The following H3C6 variants were observed in gnomAD, a reference collection of about 807,000 sequenced individuals.
H3C6 encodes the protein H3 clustered histone 6.
H3C6 carries 17 observed loss-of-function variants against 8.0 expected under a neutral mutation model. The observed-to-expected ratio is 2.13, with a 90% CI of 1.46 to 3.19. The LOEUF (loss-of-function observed/expected upper bound fraction) is 3.19, where lower values mean the gene tolerates loss of function less well. Among genes scored for constraint, H3C6 ranks in the 30% most tolerant of loss-of-function variants. The pLI is 0.00. For synonymous variants in H3C6, 169 were observed against 78.0 expected, an observed-to-expected ratio of 2.17 and a Z score of -6.15; for missense variants, 298 against 193.8, an observed-to-expected ratio of 1.54 and a Z score of -3.19.
chr6:26,224,459 A>G (rs186138019), upstream of H3C6, among the ~76,000 whole-genome samples: 2 of 152,224 alleles, frequency 1.3e-5, no homozygotes, highest in Non-Finnish European at 2.9e-5. Context: ...CTTTTTCAAG[A>G]TTTTAAATTG....
chr6:26,225,320 C>T lies in H3C6; in HGVS notation c.166C>T (p.Gln56Ter), dbSNP rs754789174. 5.6e-6 allele frequency: 9 copies of T among 1,614,248 alleles called. No individual in the cohort carries two copies. The highest frequency in any genetic ancestry group is 7.6e-6 in the Non-Finnish European group (9 of 1,180,034). The part of the protein sequence containing the change: ...TVALREIRRY[Q>*]KSTELLIRKL... ...GGCTCTGCGCGAGATCCGTCGCTAC[C>T]AGAAGTCTACCGAGCTTCTAATCCG... Residue 56 changes from glutamine to a stop codon, truncating the protein, a stop_gained, in exon 1 of 1, where the codon CAG (glutamine) becomes TAG (stop). Coordinates refer to ENST00000614911, the MANE Select transcript of H3C6 (RefSeq NM_003532.3). LOFTEE classifies it high-confidence loss of function.
rs1340792431 is a variant in H3C6 at position 26,225,381 on chromosome 6, C to G, written c.227C>G (p.Ala76Gly). The change falls in exon 1 of 1, where the codon GCT (alanine) becomes GGT (glycine). Residue 76 changes from alanine to glycine, a missense_variant. Ala to Gly is a moderately conservative substitution (Grantham distance 60). Coordinates refer to ENST00000614911, the MANE Select transcript of H3C6 (RefSeq NM_003532.3). ...LPFQRLVREIAQDFKTDLRFQ... is the reference protein window; with the variant it reads ...LPFQRLVREIGQDFKTDLRFQ... The stretch of plus-strand genomic sequence containing the variant: ...TTTCAGCGCCTGGTGCGAGAAATAG[C>G]TCAGGACTTCAAGACCGACCTGCGC... 23 of 1,614,132 alleles carry G rather than the reference C, an allele frequency of 1.4e-5. No individual in the cohort carries two copies. The highest frequency in any genetic ancestry group is 5.0e-5 in the Admixed American group (3 of 60,014).
rs371514191 is a variant in H3C6 at position 26,225,511 on chromosome 6, C to G, written c.357C>G (p.Thr119=). 4 of 1,614,094 alleles carry G rather than the reference C, an allele frequency of 2.5e-6. No individual in the cohort carries two copies. Among genetic ancestry groups the G allele is most frequent in the Non-Finnish European group, 3.4e-6 (4 of 1,180,030 alleles). ...NLCAIHAKRV[T]IMPKDIQLAR... is the part of the protein sequence containing the mutation. ...GCGCTATTCATGCCAAACGCGTGAC[C>G]ATCATGCCTAAAGACATCCAGCTTG... The change falls in exon 1 of 1, where the codon ACC becomes ACG. Residue 119 remains threonine, a synonymous_variant. Transcript: ENST00000614911.
At chr6:26,226,357 TTTTCTTATTTATTTA>T (rs1440898757), downstream of H3C6, 1 of 142,518 alleles carries the variant, frequency 7.0e-6, no homozygotes, top group Non-Finnish European at 1.5e-5. Context: ...TGCTTTTTTC[TTTTCTTATTTATTTA>T]TTTATTTATT....
downstream of H3C6, chr6:26,225,702 C>G: frequency 9.2e-7 from 1 of 1,088,598 alleles, no homozygotes; most frequent in Non-Finnish European, 1.3e-6. Flanking sequence ...GAAATAGTGG[C>G]ATTCAGTTCC....
downstream of H3C6, chr6:26,226,634 A>T (rs1759578870): frequency 6.6e-6 from 1 of 152,170 alleles, no homozygotes; most frequent in South Asian, 2.1e-4. Context: ...AAAGTACCCC[A>T]TATTTATCAA....
chr6:26,225,353 C>T lies in H3C6; in HGVS notation c.199C>T (p.Pro67Ser), dbSNP rs373022940. 1.5e-5 allele frequency: 25 copies of T among 1,614,248 alleles called. No homozygotes were observed. The highest frequency in any genetic ancestry group is 5.0e-5 in the Admixed American group (3 of 60,036). The change falls in exon 1 of 1, where the codon CCG becomes TCG. Residue 67 changes from proline to serine, a missense_variant. By Grantham distance (74) the Pro-to-Ser change is moderately conservative. Transcript: ENST00000614911. ...KSTELLIRKL[P>S]FQRLVREIAQ... ...TACCGAGCTTCTAATCCGGAAGCTGCCGTTTCAGCGCCTGGTGCGAGAAAT... is the reference window on the plus strand; with the variant it reads ...TACCGAGCTTCTAATCCGGAAGCTGTCGTTTCAGCGCCTGGTGCGAGAAAT...
chr6:26,225,759 T>C, downstream of H3C6: 1 of 689,340 alleles, frequency 1.5e-6, no homozygotes, highest in Non-Finnish European at 2.3e-6. Context: ...CCCTCAGGTT[T>C]TCGCCTAGGG....
upstream of H3C6, chr6:26,224,959 G>C: frequency 1.8e-6 from 1 of 541,854 alleles, no homozygotes; most frequent in South Asian, 3.3e-5. Context: ...TTGTTTGAAA[G>C]AGCCAGTTCT....
In H3C6 at chr6:26,225,384, A is replaced by T. The variant is rs945477020; in HGVS notation, c.230A>T (p.Gln77Leu). ...PFQRLVREIA[Q>L]DFKTDLRFQS... ...CAGCGCCTGGTGCGAGAAATAGCTC[A>T]GGACTTCAAGACCGACCTGCGCTTC... Residue 77 changes from glutamine (Q) to leucine (L), a missense_variant, in exon 1 of 1, where the codon CAG becomes CTG. Gln to Leu is a moderately radical substitution (Grantham distance 113, BLOSUM62 -2). Transcript: ENST00000614911. 1.2e-6 allele frequency: 2 copies of T among 1,614,264 alleles called. No homozygotes were observed.
chr6:26,226,404 ATTTT>A (rs1054385555), downstream of H3C6: 2 of 128,606 alleles, frequency 1.6e-5, no homozygotes, highest in African/African-American at 5.8e-5. Context: ...TTATTTATTT[ATTTT>A]GAGACGGAGT....
Position 26,225,363 on chromosome 6 carries a change from G to A in H3C6, c.209G>A (p.Arg70His), listed in dbSNP as rs1167745785. 2 of 1,614,126 alleles carry A rather than the reference G, an allele frequency of 1.2e-6. No homozygotes were observed. Among genetic ancestry groups the A allele is most frequent in the South Asian group, 1.1e-5 (1 of 91,096 alleles). Residue 70 changes from arginine to histidine, a missense_variant, in exon 1 of 1, where the codon CGC (arginine) becomes CAC (histidine). By Grantham distance (29) the Arg-to-His change is conservative. Coordinates refer to ENST00000614911, the MANE Select transcript of H3C6 (RefSeq NM_003532.3). ...ELLIRKLPFQ[R>H]LVREIAQDFK... ...CTAATCCGGAAGCTGCCGTTTCAGC[G>A]CCTGGTGCGAGAAATAGCTCAGGAC...
At position 26,225,249 on chromosome 6, in the gene H3C6, C is replaced by A. The variant is rs755102733; in HGVS notation, c.95C>A (p.Ala32Asp). The A allele has an allele frequency of 6.2e-7, 1 of 1,613,586 alleles. No individual in the cohort carries two copies. Among genetic ancestry groups the A allele is most frequent in the East Asian group, 2.2e-5 (1 of 44,894 alleles). ...ATKAARKSAP[A>D]TGGVKKPHRY... ...AAGGCAGCTCGCAAGAGCGCTCCGG[C>A]CACGGGCGGCGTGAAGAAGCCCCAT... Residue 32 changes from alanine (A) to aspartate (D), a missense_variant, in exon 1 of 1, where the codon GCC becomes GAC. By Grantham distance (126) the Ala-to-Asp change is moderately radical. Coordinates refer to ENST00000614911, the MANE Select transcript of H3C6 (RefSeq NM_003532.3).
At chr6:26,225,755 G>A (rs538792341), downstream of H3C6, 9 of 711,824 alleles carry the variant, frequency 1.3e-5, no homozygotes, top group South Asian at 1.7e-4. Flanking sequence ...CGCTCCCTCA[G>A]GTTTTCGCCT....
Position 26,225,550 on chromosome 6 carries a change from TGGGGA to T in H3C6, c.398_402del (p.Gly133GlufsTer11). 4.3e-6 allele frequency: 7 copies of T among 1,613,722 alleles called. No homozygotes were observed. Among genetic ancestry groups the T allele is most frequent in the Non-Finnish European group, 5.9e-6 (7 of 1,179,778 alleles). On this transcript the variant is annotated frameshift_variant, in exon 1 of 1. Transcript: ENST00000614911. LOFTEE classifies it high-confidence loss of function. ...ACATCCAGCTTGCCCGCCGCATTCG[TGGGGA>T]GAGGGCGTGAATTGTTTTGAGTACA...
At chr6:26,225,050 C>G (rs775799611), upstream of H3C6, 4 of 1,270,392 alleles carry the variant, frequency 3.1e-6, no homozygotes, top group Non-Finnish European at 4.3e-6. Context: ...CGGAATTTAG[C>G]AACCGATCAC....
rs767851095 is a variant in H3C6, at chr6:26,225,602, TCTC to T, written c.*38_*40del. The T allele has an allele frequency of 2.5e-6, 4 of 1,582,162 alleles. No individual in the cohort carries two copies. The highest frequency in any genetic ancestry group is 3.4e-6 in the Non-Finnish European group (4 of 1,164,372). On this transcript the variant is annotated 3_prime_UTR_variant, in exon 1 of 1. Coordinates refer to ENST00000614911, the MANE Select transcript of H3C6 (RefSeq NM_003532.3). ...TACAAACCTTAAATCCAAAGGCTCT[TCTC>T]AGAGCCAACCACTTTGTCCGTGAAA...
Position 26,225,311 on chromosome 6 carries a change from C to T in H3C6, c.157C>T (p.Arg53Cys), listed in dbSNP as rs1377708081. ...RPGTVALREI[R>C]RYQKSTELLI... ...TGGCACCGTGGCTCTGCGCGAGATCCGTCGCTACCAGAAGTCTACCGAGCT... is the reference window on the plus strand; with the variant it reads ...TGGCACCGTGGCTCTGCGCGAGATCTGTCGCTACCAGAAGTCTACCGAGCT... The change falls in exon 1 of 1, where the codon CGT becomes TGT. Residue 53 changes from arginine (R) to cysteine (C), a missense_variant. By Grantham distance (180) the Arg-to-Cys change is radical. Coordinates refer to ENST00000614911, the MANE Select transcript of H3C6 (RefSeq NM_003532.3). 1.9e-6 allele frequency: 3 copies of T among 1,614,094 alleles called. No individual in the cohort carries two copies. The highest frequency in any genetic ancestry group is 1.3e-5 in the African/African-American group (1 of 74,944).
chr6:26,224,251 T>C (rs1228638596), upstream of H3C6: 1 of 152,184 alleles, frequency 6.6e-6, no homozygotes, highest in Non-Finnish European at 1.5e-5. Context: ...TTCAAAGTAA[T>C]TGGGAGCTGT....
Sources: allele counts gnomAD v4.1 joint callset (sites outside exome capture counted in the v4.1 genomes callset), GRCh38; gene constraint gnomAD v4.1.1; transcripts MANE v1.5; gene names NCBI Gene and HGNC (gene_info 2026-07-23, HGNC 2026-07-21).